CD200: variants seen among roughly 807,000 people sequenced by gnomAD.
CD200 encodes CD200 molecule, also known as OX-2 membrane glycoprotein.
Under a neutral mutation model 30.9 loss-of-function variants are expected in CD200, and 15 were observed. That is an observed-to-expected ratio of 0.49 (90% CI 0.32 to 0.75). The LOEUF (loss-of-function observed/expected upper bound fraction) is 0.75, where lower values mean the gene tolerates loss of function less well. Among genes scored for constraint, CD200 ranks in the 30% least tolerant of loss-of-function variants. The pLI, the probability that CD200 is intolerant of heterozygous loss-of-function variation, is 0.03. For synonymous variants in CD200, 134 were observed against 126.2 expected, an observed-to-expected ratio of 1.06 and a Z score of -0.41; for missense variants, 262 against 324.2, an observed-to-expected ratio of 0.81 and a Z score of 1.47.
Position 112,334,044 on chromosome 3 carries a change from T to C in CD200, c.12+820T>C, listed in dbSNP as rs1559777559. 4 of 985,404 alleles carry C rather than the reference T, an allele frequency of 4.1e-6. No individual in the cohort carries two copies. In the East Asian group the frequency reaches 3.4e-4, roughly 84 times the overall value. The allele number at this position is 985,404 out of a possible 1,614,324, so 61.0% of individuals were successfully genotyped here. A position where few individuals can be genotyped will look rare whatever the true frequency, so the allele number is the denominator to read the frequency against. On this transcript the variant is annotated intron_variant, in intron 1 of 5. Transcript: ENST00000315711. ...TTTGTTGGCAAGACCACATAGCCAATGATTTCACTGTCTTTCTTAACAAAG... is the reference window on the plus strand; with the variant it reads ...TTTGTTGGCAAGACCACATAGCCAACGATTTCACTGTCTTTCTTAACAAAG...
At chr3:112,360,893 C>T (rs576173906) in intron 5 of CD200, among the ~76,000 whole-genome samples, 4 of 152,340 alleles carry the variant, frequency 2.6e-5, no homozygotes, top group African/African-American at 9.6e-5. Context: ...ACAAAGCTTA[C>T]AAATAGAATA....
chr3:112,353,463 A>T (rs529260228), intron 5 of CD200, among the ~76,000 whole-genome samples: 77 of 152,166 alleles, frequency 5.1e-4, no homozygotes, highest in African/African-American at 1.9e-3. Context: ...TGAGCTGTAT[A>T]TTTATCTTGA....
intron 2 of CD200, among the ~76,000 whole-genome samples, 186 bp downstream of exon 2, chr3:112,341,169 A>G (rs1482804919): frequency 6.6e-6 from 1 of 152,228 alleles, no homozygotes; most frequent in East Asian, 1.9e-4. Context: ...TCGATGTAGA[A>G]GCACACTTTG....
intron 2 of CD200, 96 bp from the exon 3 acceptor site, chr3:112,344,866 T>C: frequency 1.1e-6 from 1 of 949,700 alleles, no homozygotes; most frequent in Non-Finnish European, 1.6e-6. Context: ...CTTTCTTTTC[T>C]ATATTTGACA....
intron 5 of CD200, among the ~76,000 whole-genome samples, chr3:112,352,447 A>C (rs1251114207): frequency 6.6e-6 from 1 of 152,142 alleles, no homozygotes; most frequent in Non-Finnish European, 1.5e-5. Flanking sequence ...TGAGCAGGAA[A>C]ACACGATTGG....
chr3:112,360,337 T>A (rs960287843), intron 5 of CD200, among the ~76,000 whole-genome samples: 123 of 126,020 alleles, frequency 9.8e-4, no homozygotes, highest in Non-Finnish European at 1.7e-3. Flanking sequence ...AAAAAAAATA[T>A]ATATATATAT....
intron 3 of CD200, among the ~76,000 whole-genome samples, chr3:112,346,407 A>AT (rs564559944): frequency 1.6e-4 from 24 of 146,190 alleles, no homozygotes; most frequent in Middle Eastern, 3.6e-3. Flanking sequence ...AGACTTTTGT[A>AT]TTTTTTTTTC....
intron 1 of CD200, among the ~76,000 whole-genome samples, chr3:112,339,769 C>T (rs1399504021): frequency 1.3e-5 from 2 of 152,196 alleles, no homozygotes; most frequent in Admixed American, 6.5e-5. Flanking sequence ...CCTGGAAGAA[C>T]ATGAGCAAGC....
chr3:112,334,197 C>T, intron 1 of CD200: 1 of 985,354 alleles, frequency 1.0e-6, no homozygotes, highest in Non-Finnish European at 1.2e-6. Flanking sequence ...CTGATATTTC[C>T]AAGTCCTTGT....
At chr3:112,333,704 G>T (rs2081049554) in intron 1 of CD200, 3 of 985,446 alleles carry the variant, frequency 3.0e-6, no homozygotes, top group Non-Finnish European at 3.6e-6. Context: ...CTTTCTCCGG[G>T]AGAGCTCCTG....
rs2108458663 is a variant in CD200, at chr3:112,349,671, A to T, written c.695-41A>T. On this transcript the variant is annotated intron_variant, in intron 4 of 5. Transcript: ENST00000315711. ...CTCTTTTTGCCTCAACAATTTCCTC[A>T]TGTGATGTCATTTTCCTTTTTCTTT... 2 of 1,539,638 alleles carry T rather than the reference A, an allele frequency of 1.3e-6. 1 individual carries two copies. Among genetic ancestry groups the T allele is most frequent in the Middle Eastern group, 3.4e-4 (2 of 5,842 alleles).
chr3:112,361,346 T>A (rs1405855647), intron 5 of CD200, among the ~76,000 whole-genome samples, 197 bp from the exon 6 acceptor site: 1 of 152,198 alleles, frequency 6.6e-6, no homozygotes, highest in Non-Finnish European at 1.5e-5. Flanking sequence ...GCATCCAGCC[T>A]ACTTTTGTTC....
At chr3:112,345,415 C>T in intron 3 of CD200, 127 bp downstream of exon 3, 1 of 705,958 alleles carries the variant, frequency 1.4e-6, no homozygotes, top group Non-Finnish European at 2.4e-6. Flanking sequence ...GATAGCCTTT[C>T]TTGTCTACTA....
Position 112,341,309 on chromosome 3 carries a change from T to C in CD200, c.94+326T>C, listed in dbSNP as rs1559782082. 2.0e-5 allele frequency among the ~76,000 whole-genome samples: 3 copies of C among 152,252 alleles called. No homozygotes were observed. The South Asian group carries it at 6.2e-4, about 32-fold the overall frequency. On this transcript the variant is annotated intron_variant, in intron 2 of 5. Transcript: ENST00000315711. ...TCCTCTGTTTTTAAATATATGGGAA[T>C]GCTTGAATTCAATCTTTTTGGAAAG...
chr3:112,337,405 C>G (rs1243440044), intron 1 of CD200, among the ~76,000 whole-genome samples: 3 of 151,922 alleles, frequency 2.0e-5, no homozygotes, highest in African/African-American at 7.3e-5. Context: ...ATGGCTCAAG[C>G]AAAAATACCA....
chr3:112,333,405 C>T (rs914323817), intron 1 of CD200, 181 bp downstream of exon 1: 93 of 985,276 alleles, frequency 9.4e-5, no homozygotes, highest in Non-Finnish European at 1.1e-4. Flanking sequence ...TGCTGAGAAA[C>T]GGATTTTGCC....
intron 2 of CD200, among the ~76,000 whole-genome samples, chr3:112,344,009 A>G (rs1209469392): frequency 6.6e-6 from 1 of 151,446 alleles, no homozygotes; most frequent in African/African-American, 2.4e-5. Flanking sequence ...TTACTAATTT[A>G]CTCTTCAGTA....
chr3:112,339,339 T>C (rs1307286673), intron 1 of CD200, among the ~76,000 whole-genome samples: 1 of 152,206 alleles, frequency 6.6e-6, no homozygotes, highest in Admixed American at 6.5e-5. Context: ...GACTAAATGC[T>C]AAAAGACCAA....
intron 5 of CD200, among the ~76,000 whole-genome samples, chr3:112,359,128 C>T (rs996058389): frequency 7.2e-5 from 11 of 151,864 alleles, no homozygotes; most frequent in South Asian, 2.1e-4. Context: ...GCCTTTGAGG[C>T]GATGGAGGGA....
Sources: gnomAD v4.1 joint callset for allele counts (sites outside exome capture counted in the v4.1 genomes callset) on GRCh38, gnomAD v4.1.1 for gene constraint, MANE v1.5 for transcripts, NCBI Gene and HGNC (gene_info 2026-07-23, HGNC 2026-07-21) for gene names.